TBC1D5: variants seen among roughly 807,000 people sequenced by gnomAD.
The protein encoded by TBC1D5 is TBC1 domain family member 5.
Under a neutral mutation model 100.3 loss-of-function variants are expected in TBC1D5, and 75 were observed. That is an observed-to-expected ratio of 0.75 (90% CI 0.62 to 0.91). TBC1D5 has a LOEUF of 0.91. TBC1D5 is among the 40% of genes least tolerant of loss of function. The pLI is 0.00. For synonymous variants in TBC1D5, 323 were observed against 325.6 expected, an observed-to-expected ratio of 0.99 and a Z score of 0.09; for missense variants, 910 against 942.4, an observed-to-expected ratio of 0.97 and a Z score of 0.45.
At chr3:17,166,059 C>T (rs1189361043) in intron 21 of TBC1D5, among the ~76,000 whole-genome samples, 1 of 152,120 alleles carries the variant, frequency 6.6e-6, no homozygotes, top group Non-Finnish European at 1.5e-5. Context: ...AAATTATATA[C>T]AATGTTGACA....
At chr3:17,652,777 CAGA>C (rs1189565429) in intron 1 of TBC1D5, among the ~76,000 whole-genome samples, 1 of 152,084 alleles carries the variant, frequency 6.6e-6, no homozygotes. Flanking sequence ...AAATGAAAGC[CAGA>C]AGAATTAAAG....
chr3:17,347,941 T>C lies in TBC1D5; in HGVS notation c.995+24134A>G, dbSNP rs889252820. Among the ~76,000 whole-genome samples, 5 of 152,144 alleles carry C rather than the reference T, an allele frequency of 3.3e-5. No homozygotes were observed. The East Asian group carries it at 5.8e-4, about 18-fold the overall frequency. Reference sequence around the variant, plus strand: ...TCCCTTGAGTCCAGGAGCTGGAGGCTGCAGTGAGCTACGATCACATCACTG... The same window carrying C: ...TCCCTTGAGTCCAGGAGCTGGAGGCCGCAGTGAGCTACGATCACATCACTG... On this transcript the variant is annotated intron_variant, in intron 13 of 21. Transcript: ENST00000253692.
intron 3 of TBC1D5, among the ~76,000 whole-genome samples, chr3:17,432,044 A>G (rs1213839452): frequency 6.6e-6 from 1 of 152,142 alleles, no homozygotes; most frequent in African/African-American, 2.4e-5. Flanking sequence ...AATCACGCCT[A>G]CTCAAATGTG....
At chr3:17,315,844 T>G (rs2150777959) in intron 13 of TBC1D5, among the ~76,000 whole-genome samples, 2 of 151,818 alleles carry the variant, frequency 1.3e-5, no homozygotes, top group African/African-American at 2.4e-5. Flanking sequence ...CTTTACGGTG[T>G]GGGGGACGGG....
chr3:17,189,477 A>G (rs1221584022), intron 18 of TBC1D5, among the ~76,000 whole-genome samples: 1 of 152,256 alleles, frequency 6.6e-6, no homozygotes, highest in Non-Finnish European at 1.5e-5. Flanking sequence ...AAGGACCAGA[A>G]GATGAGGGCC....
intron 1 of TBC1D5, among the ~76,000 whole-genome samples, chr3:17,671,564 A>G (rs541029197): frequency 2.6e-5 from 4 of 152,380 alleles, no homozygotes; most frequent in African/African-American, 4.8e-5. Context: ...TAGACTTAAT[A>G]AAGTACAAAA....
chr3:17,613,056 C>A (rs2061814697), intron 2 of TBC1D5, among the ~76,000 whole-genome samples: 1 of 152,074 alleles, frequency 6.6e-6, no homozygotes, highest in African/African-American at 2.4e-5. Flanking sequence ...CCACAACAGA[C>A]CCCGGTGTGT....
At chr3:17,392,801 T>C (rs1483024823) in intron 8 of TBC1D5, among the ~76,000 whole-genome samples, 1 of 152,200 alleles carries the variant, frequency 6.6e-6, no homozygotes, top group Admixed American at 6.5e-5. Flanking sequence ...TCTTTGCTAT[T>C]GTGAACAGTG....
intron 2 of TBC1D5, among the ~76,000 whole-genome samples, chr3:17,591,240 AAAAAAAAAAAAAAAAAAAAAAAAAAAC>A (rs2096767232): frequency 9.8e-6 from 1 of 102,498 alleles, no homozygotes; most frequent in Non-Finnish European, 1.8e-5. Flanking sequence ...TGTCAAAAAA[AAAAAAAAAAAAAAAAAAAAAAAAAAAC>A]AAAAACCCCA....
At chr3:17,537,204 G>A (rs1305997941) in intron 2 of TBC1D5, among the ~76,000 whole-genome samples, 1 of 152,148 alleles carries the variant, frequency 6.6e-6, no homozygotes, top group African/African-American at 2.4e-5. Flanking sequence ...CTATACCAGA[G>A]TCAGCTTGGA....
chr3:17,338,438 G>A (rs2088289146), intron 13 of TBC1D5: 1 of 152,246 alleles, frequency 6.6e-6, no homozygotes, highest in African/African-American at 2.4e-5. Context: ...GTTTGCCTGA[G>A]TACTCCGTAC....
At chr3:17,699,478 G>A (rs1385599781) in intron 1 of TBC1D5, among the ~76,000 whole-genome samples, 1 of 137,492 alleles carries the variant, frequency 7.3e-6, no homozygotes, top group African/African-American at 2.7e-5. Context: ...CACCAGCATG[G>A]CACATGTATA....
At chr3:17,301,908 G>GT (rs774152360) in intron 14 of TBC1D5, among the ~76,000 whole-genome samples, 1 of 152,150 alleles carries the variant, frequency 6.6e-6, no homozygotes, top group Non-Finnish European at 1.5e-5. Context: ...AGGAGTAATG[G>GT]TTTACGATTA....
At chr3:17,488,654 T>C (rs1463188533) in intron 3 of TBC1D5, among the ~76,000 whole-genome samples, 1 of 152,224 alleles carries the variant, frequency 6.6e-6, no homozygotes, top group African/African-American at 2.4e-5. Flanking sequence ...TTGTCATTGT[T>C]TAGGATCTTA....
chr3:17,413,203 G>A (rs2093982672), intron 4 of TBC1D5, among the ~76,000 whole-genome samples: 2 of 152,062 alleles, frequency 1.3e-5, no homozygotes, highest in East Asian at 1.9e-4. Flanking sequence ...GTGAAGATGA[G>A]TAGGTTTCAT....
intron 8 of TBC1D5, among the ~76,000 whole-genome samples, chr3:17,388,414 C>T (rs548612622): frequency 6.6e-6 from 1 of 152,148 alleles, no homozygotes; most frequent in East Asian, 1.9e-4. Context: ...CCAATCTACC[C>T]ATCAGCTAGC....
At chr3:17,629,148 C>CT (rs1380247548) in intron 1 of TBC1D5, among the ~76,000 whole-genome samples, 1 of 151,790 alleles carries the variant, frequency 6.6e-6, no homozygotes, top group Non-Finnish European at 1.5e-5. Context: ...ATAAATTGGT[C>CT]TTTTTTTTAG....
chr3:17,452,601 C>G (rs1271197415), intron 3 of TBC1D5, among the ~76,000 whole-genome samples: 4 of 152,004 alleles, frequency 2.6e-5, no homozygotes, highest in Non-Finnish European at 5.9e-5. Context: ...GGTCAATTCA[C>G]AGGAAGAGGA....
At chr3:17,551,268 A>G (rs546214289) in intron 2 of TBC1D5, among the ~76,000 whole-genome samples, 2 of 152,276 alleles carry the variant, frequency 1.3e-5, no homozygotes, top group African/African-American at 2.4e-5. Flanking sequence ...CTATAAAAGT[A>G]TATCTTTTTA....
Sources: allele counts gnomAD v4.1 joint callset (sites outside exome capture counted in the v4.1 genomes callset), GRCh38; gene constraint gnomAD v4.1.1; transcripts MANE v1.5; gene names NCBI Gene and HGNC (gene_info 2026-07-23, HGNC 2026-07-21).